Variants in FAT3 observed in about 807,000 individuals in gnomAD.
The protein encoded by FAT3 is FAT atypical cadherin 3, also known as protocadherin Fat 3.
Under a neutral mutation model 310.2 loss-of-function variants are expected in FAT3, and 95 were observed. That is an observed-to-expected ratio of 0.31 (90% CI 0.26 to 0.36). FAT3 has a LOEUF of 0.36. FAT3 is among the 10% of genes least tolerant of loss of function. The pLI, the probability that FAT3 is intolerant of heterozygous loss-of-function variation, is 1.00. For synonymous variants in FAT3, 2,314 were observed against 2,192.9 expected, an observed-to-expected ratio of 1.06 and a Z score of -1.54; for missense variants, 5,408 against 5,715.6, an observed-to-expected ratio of 0.95 and a Z score of 1.74.
rs138227624 is a variant in FAT3 at position 92,654,851 on chromosome 11, A to G, written c.3608-42533A>G. Among the ~76,000 whole-genome samples, 650 of 152,108 alleles carry G rather than the reference A, an allele frequency of 4.3e-3. 4 individuals are homozygous for G. Among genetic ancestry groups the G allele is most frequent in the African/African-American group, 0.015 (618 of 41,486 alleles). On this transcript the variant is annotated intron_variant, in intron 3 of 27. Transcript: ENST00000525166. ...GTTCCTTATTTATCACCCAACAACA[A>G]CTTCCTCCTGAAAAAAATAAGATTC...
chr11:92,489,482 T>C (rs1952537156), intron 2 of FAT3, among the ~76,000 whole-genome samples: 1 of 152,084 alleles, frequency 6.6e-6, no homozygotes, highest in Admixed American at 6.6e-5. Flanking sequence ...GTTAGGTTGG[T>C]CCTTGGTCTG....
chr11:92,332,859 C>T (rs993340623), intron 1 of FAT3, among the ~76,000 whole-genome samples: 1 of 152,084 alleles, frequency 6.6e-6, no homozygotes. Flanking sequence ...GCTCTGTGTC[C>T]TCATAGCCCT....
intron 3 of FAT3, among the ~76,000 whole-genome samples, chr11:92,606,828 G>A (rs972721298): frequency 2.8e-4 from 43 of 152,140 alleles, no homozygotes; most frequent in African/African-American, 1.0e-3. Flanking sequence ...ATAGGCTTTG[G>A]AGCAGATGAG....
chr11:92,797,804 A>G, intron 9 of FAT3, 32 bp from the exon 10 acceptor site: 1 of 1,575,478 alleles, frequency 6.3e-7, no homozygotes, highest in East Asian at 2.2e-5. Flanking sequence ...ACCCACATGT[A>G]ACTCATTTCA....
chr11:92,380,858 T>C (rs957212325), intron 2 of FAT3, among the ~76,000 whole-genome samples: 1 of 152,242 alleles, frequency 6.6e-6, no homozygotes, highest in African/African-American at 2.4e-5. Flanking sequence ...GTTTTGTTTT[T>C]GTTCTATTAA....
chr11:92,800,996 C>G lies in FAT3; in HGVS notation c.7983C>G (p.Val2661=). 1 of 1,613,394 alleles carries G rather than the reference C, an allele frequency of 6.2e-7. No individual in the cohort carries two copies. The highest frequency in any genetic ancestry group is 1.1e-5 in the South Asian group (1 of 90,898). Residue 2661 remains valine (V), a synonymous_variant, in exon 10 of 28, where the codon GTC becomes GTG. Coordinates refer to ENST00000525166, the MANE Select transcript of FAT3 (RefSeq NM_001367949.2). ...LEIDPDNGWM[V]TKGNFNQLKN... ...TCGATCCTGACAATGGCTGGATGGT[C>G]ACAAAGGGTAATTTTAACCAGCTGA...
chr11:92,327,231 T>G (rs1591113131), intron 1 of FAT3, among the ~76,000 whole-genome samples: 1 of 152,116 alleles, frequency 6.6e-6, no homozygotes, highest in Non-Finnish European at 1.5e-5. Context: ...GAAGATTCCC[T>G]TTTATTTTTT....
intron 3 of FAT3, among the ~76,000 whole-genome samples, chr11:92,665,624 A>G (rs571237031): frequency 7.9e-5 from 12 of 152,336 alleles, no homozygotes; most frequent in African/African-American, 2.2e-4. Context: ...ATGACCACAG[A>G]TCAGTCACAT....
rs780652730 is a variant in FAT3, at chr11:92,844,570, A to G, written c.11203A>G (p.Ile3735Val). ...AAGACACCTGGAGAATATCATGCGC[A>G]TCTCAGCCATCTTGGAGAAGAACTG... Reference protein sequence around the residue: ...ARRHLENIMRISAILEKNCSG... With the variant: ...ARRHLENIMRVSAILEKNCSG... The change falls in exon 19 of 28, where the codon ATC (isoleucine) becomes GTC (valine). Residue 3735 changes from isoleucine to valine, a missense_variant. This residue lies in a region of FAT3 where 4,588 missense variants were observed against 4,809.8 expected (regional missense o/e 0.95). Coordinates refer to ENST00000525166, the MANE Select transcript of FAT3 (RefSeq NM_001367949.2). The G allele has an allele frequency of 6.2e-7, 1 of 1,614,010 alleles. No individual in the cohort carries two copies. Among genetic ancestry groups the G allele is most frequent in the Non-Finnish European group, 8.5e-7 (1 of 1,179,890 alleles).
At position 92,411,636 on chromosome 11, in the gene FAT3, A is replaced by G. The variant is rs182290009; in HGVS notation, c.3292+56232A>G. Among the ~76,000 whole-genome samples, 10 of 152,258 alleles carry G rather than the reference A, an allele frequency of 6.6e-5. No individual in the cohort carries two copies. In the East Asian group the frequency reaches 1.4e-3, roughly 21 times the overall value. ...GGATTCTCAGAGGAGGTGGTGATTA[A>G]GTTGGGTGGGAGGGGCCGACAGAAT... is the stretch of plus-strand genomic sequence containing the variant. On this transcript the variant is annotated intron_variant, in intron 2 of 27. Coordinates refer to ENST00000525166, the MANE Select transcript of FAT3 (RefSeq NM_001367949.2).
chr11:92,507,731 A>G (rs1953160999), intron 2 of FAT3, among the ~76,000 whole-genome samples: 1 of 151,958 alleles, frequency 6.6e-6, no homozygotes, highest in South Asian at 2.1e-4. Context: ...GTATATGTAC[A>G]TATATAGGAT....
intron 4 of FAT3, among the ~76,000 whole-genome samples, chr11:92,747,967 T>C (rs981297626): frequency 7.9e-5 from 12 of 152,214 alleles, no homozygotes; most frequent in Non-Finnish European, 1.5e-4. Context: ...CCCTCCAAAC[T>C]GTTCCAACCT....
At chr11:92,724,521 A>C (rs928627556) in intron 4 of FAT3, among the ~76,000 whole-genome samples, 1 of 152,244 alleles carries the variant, frequency 6.6e-6, no homozygotes, top group African/African-American at 2.4e-5. Context: ...TACTAAAATA[A>C]GGCTGCTTTC....
chr11:92,742,013 T>C (rs1289972645), intron 4 of FAT3, among the ~76,000 whole-genome samples: 4 of 152,220 alleles, frequency 2.6e-5, no homozygotes, highest in South Asian at 4.1e-4. Flanking sequence ...ATGCCTCTTA[T>C]GAAAACCAAA....
rs757285216 is a variant in FAT3, at chr11:92,800,001, A to G, written c.6988A>G (p.Thr2330Ala). The change falls in exon 10 of 28, where the codon ACC (threonine) becomes GCC (alanine). Residue 2330 changes from threonine to alanine, a missense_variant. Coordinates refer to ENST00000525166, the MANE Select transcript of FAT3 (RefSeq NM_001367949.2). ...GGTACATTATCAGATTGTCCAGGAT[A>G]CCTACAATAGCACAGATTATTTTCA... ...KMVHYQIVQD[T>A]YNSTDYFHID... 10 of 1,613,910 alleles carry G rather than the reference A, an allele frequency of 6.2e-6. No homozygotes were observed. The highest frequency in any genetic ancestry group is 5.9e-6 in the Non-Finnish European group (7 of 1,179,850).
chr11:92,447,230 T>TGC (rs796073868), intron 2 of FAT3, among the ~76,000 whole-genome samples: 12 of 140,210 alleles, frequency 8.6e-5, no homozygotes, highest in African/African-American at 3.6e-4. Flanking sequence ...TGCGTGTGTG[T>TGC]GTGTGTGTGT....
intron 1 of FAT3, among the ~76,000 whole-genome samples, chr11:92,229,377 G>C (rs769529061): frequency 1.4e-5 from 2 of 148,036 alleles, no homozygotes; most frequent in Non-Finnish European, 3.0e-5. Context: ...TCTGTGTTTT[G>C]GTCGATTTAA....
At chr11:92,628,288 T>C (rs1202377900) in intron 3 of FAT3, among the ~76,000 whole-genome samples, 1 of 152,216 alleles carries the variant, frequency 6.6e-6, no homozygotes, top group Non-Finnish European at 1.5e-5. Flanking sequence ...GGAATCTTAC[T>C]TGACTCTCTT....
At chr11:92,417,597 T>C (rs1049626589) in intron 2 of FAT3, among the ~76,000 whole-genome samples, 2 of 152,098 alleles carry the variant, frequency 1.3e-5, no homozygotes, top group East Asian at 3.9e-4. Context: ...GGAAGTGATA[T>C]CTGAAGCCAT....
Sources: allele counts gnomAD v4.1 joint callset (sites outside exome capture counted in the v4.1 genomes callset), GRCh38; gene constraint gnomAD v4.1.1; regional missense constraint gnomAD v4.1.1; transcripts MANE v1.5; gene names NCBI Gene and HGNC (gene_info 2026-07-23, HGNC 2026-07-21).